The following STIM1 variants were observed in gnomAD, a reference collection of about 807,000 sequenced individuals.
The protein encoded by STIM1 is stromal interaction molecule 1.
Under a neutral mutation model 74.7 loss-of-function variants are expected in STIM1, and 25 were observed. The observed-to-expected ratio is 0.33, with a 90% CI of 0.24 to 0.47. The LOEUF is 0.47. Ranked by LOEUF, STIM1 falls within the 20% of genes least tolerant of loss-of-function variation. The probability of loss-of-function intolerance (pLI) is 1.00; values close to 1 mark genes in which losing one functional copy is unlikely to be tolerated. For missense variants in STIM1, 728 were observed against 920.8 expected, an observed-to-expected ratio of 0.79 and a Z score of 2.71; for synonymous variants, 328 against 348.8, an observed-to-expected ratio of 0.94 and a Z score of 0.66.
intron 3 of STIM1, among the ~76,000 whole-genome samples, chr11:4,053,745 A>T (rs1267766039): frequency 6.6e-6 from 1 of 152,112 alleles, no homozygotes; most frequent in African/African-American, 2.4e-5. Context: ...TAAAAAAAAG[A>T]AAGAAAGAAA....
At chr11:3,890,226 G>A (rs1264666349) in intron 1 of STIM1, among the ~76,000 whole-genome samples, 1 of 152,174 alleles carries the variant, frequency 6.6e-6, no homozygotes, top group East Asian at 1.9e-4. Context: ...AATGATAGGT[G>A]TTTTGCAATC....
rs565192496 is a variant in STIM1, at chr11:4,086,537, C to T, written c.1628C>T (p.Ser543Phe). 6.2e-7 allele frequency: 1 copy of T among 1,614,140 alleles called. No homozygotes were observed. Among genetic ancestry groups the T allele is most frequent in the East Asian group, 2.2e-5 (1 of 44,884 alleles). Residue 543 changes from serine to phenylalanine, a missense_variant, in exon 12 of 13, where the codon TCT becomes TTT. Physicochemically the swap from Ser to Phe is radical, Grantham distance 155. Around this residue, in one of 5 missense-constraint regions of STIM1, gnomAD observed 352 missense variants for 370.1 expected, o/e 0.95. Transcript: ENST00000526596. ...RLTEPQHGLGSQRDLTHSDSE... is the reference protein window; with the variant it reads ...RLTEPQHGLGFQRDLTHSDSE... ...ACGGAGCCACAGCATGGCCTGGGAT[C>T]TCAGAGGTTGGTAGAGGGCGAGGCT...
At chr11:3,969,097 G>T (rs1234822255) in intron 2 of STIM1, among the ~76,000 whole-genome samples, 2 of 152,182 alleles carry the variant, frequency 1.3e-5, no homozygotes, top group African/African-American at 2.4e-5. Context: ...TTAGAATAAA[G>T]AATTGACTAA....
Position 3,877,108 on chromosome 11 carries a change from A to G in STIM1, c.139+20699A>G, listed in dbSNP as rs142898502. 7.0e-3 allele frequency among the ~76,000 whole-genome samples: 937 copies of G among 134,002 alleles called. 11 individuals carry two copies. Among genetic ancestry groups the G allele is most frequent in the African/African-American group, 0.029 (878 of 30,526 alleles). The allele number at this position is 134,002 out of a possible 152,430, so 87.9% of individuals were successfully genotyped here. A position where few individuals can be genotyped will look rare whatever the true frequency, so the allele number is the denominator to read the frequency against. On this transcript the variant is annotated intron_variant, in intron 1 of 12. Transcript: ENST00000526596. ...CTTTACAGTAAGCGCTTAAGGAAAG[A>G]TAGTTTCTTTCATTTCCCCTTGATG...
chr11:4,001,774 T>G (rs1050316596), intron 2 of STIM1, among the ~76,000 whole-genome samples: 1 of 148,714 alleles, frequency 6.7e-6, no homozygotes, highest in Non-Finnish European at 1.5e-5. Context: ...ATGCTCCAAT[T>G]AAAAGACACA....
At position 3,882,092 on chromosome 11, in the gene STIM1, CT is replaced by C. The variant is rs946580998; in HGVS notation, c.139+25707del. On this transcript the variant is annotated intron_variant, in intron 1 of 12. Transcript: ENST00000526596. ...TGTAGCATGTATCAGCACTTCATTC[CT>C]TTTTTTTTTTTTTTTTTTTTTTTGA... 3.7e-3 allele frequency among the ~76,000 whole-genome samples: 339 copies of C among 92,352 alleles called. 1 individual carries two copies. The highest frequency in any genetic ancestry group is 0.012 in the African/African-American group (264 of 22,668). The allele number at this position is 92,352 out of a possible 152,430, so 60.6% of individuals were successfully genotyped here. A position where few individuals can be genotyped will look rare whatever the true frequency, so the allele number is the denominator to read the frequency against.
At chr11:3,920,946 C>A (rs1047172117) in intron 1 of STIM1, among the ~76,000 whole-genome samples, 2 of 152,046 alleles carry the variant, frequency 1.3e-5, no homozygotes, top group African/African-American at 2.4e-5. Flanking sequence ...TAGGCACCCG[C>A]CACTACGCAT....
At chr11:4,002,806 T>C (rs1403706704) in intron 2 of STIM1, among the ~76,000 whole-genome samples, 2 of 148,642 alleles carry the variant, frequency 1.3e-5, no homozygotes, top group African/African-American at 2.5e-5. Context: ...GGAGCCGGTT[T>C]TTTGAAAGGA....
intron 1 of STIM1, among the ~76,000 whole-genome samples, chr11:3,885,086 G>GTACAACCTTATA: frequency 1.3e-5 from 2 of 151,822 alleles, no homozygotes; most frequent in South Asian, 4.2e-4. Context: ...GGTGATGATG[G>GTACAACCTTATA]GACAACCTTA....
chr11:4,007,588 G>C (rs575914597), intron 2 of STIM1, among the ~76,000 whole-genome samples: 1 of 152,232 alleles, frequency 6.6e-6, no homozygotes, highest in South Asian at 2.1e-4. Context: ...ACTGATAAAG[G>C]TATTCATAGG....
intron 5 of STIM1, among the ~76,000 whole-genome samples, chr11:4,067,111 C>G (rs1443784745): frequency 6.6e-6 from 1 of 152,222 alleles, no homozygotes; most frequent in African/African-American, 2.4e-5. Flanking sequence ...AAAGTGCTGT[C>G]ATTTACACCT....
At chr11:3,855,608 CGGAGACGCACG>C (rs2135163989), upstream of STIM1, 1 of 139,128 alleles carries the variant, frequency 7.2e-6, no homozygotes, top group South Asian at 2.5e-4. Context: ...GGGGCGGGCG[CGGAGACGCACG>C]CCCCCGCCCG....
intron 7 of STIM1, among the ~76,000 whole-genome samples, chr11:4,079,108 G>A (rs958878869): frequency 1.3e-5 from 2 of 151,936 alleles, no homozygotes; most frequent in South Asian, 2.1e-4. Flanking sequence ...TGGCTAACAC[G>A]GTGACACCCT....
At chr11:3,874,098 A>G (rs1255998004) in intron 1 of STIM1, among the ~76,000 whole-genome samples, 1 of 152,162 alleles carries the variant, frequency 6.6e-6, no homozygotes, top group Non-Finnish European at 1.5e-5. Flanking sequence ...CCATTTCCTA[A>G]TCTACTAAAT....
At chr11:3,942,214 A>G (rs1189226468) in intron 1 of STIM1, among the ~76,000 whole-genome samples, 1 of 152,150 alleles carries the variant, frequency 6.6e-6, no homozygotes, top group Non-Finnish European at 1.5e-5. Flanking sequence ...TTAGTAGCCA[A>G]ACCAGGACTT....
At chr11:4,084,832 C>T in intron 11 of STIM1, 67 bp downstream of exon 11, 1 of 1,212,772 alleles carries the variant, frequency 8.2e-7, no homozygotes, top group Non-Finnish European at 1.1e-6. Context: ...ACTCTTACCC[C>T]ATGGGTCCCT....
At chr11:3,941,673 T>TATAGAGAGAGAGAGAG (rs141623520) in intron 1 of STIM1, among the ~76,000 whole-genome samples, 29 of 90,730 alleles carry the variant, frequency 3.2e-4, no homozygotes, top group South Asian at 8.1e-4. Context: ...TATATATATA[T>TATAGAGAGAGAGAGAG]AGAGAGAGAG....
chr11:3,929,304 A>C (rs961296787), intron 1 of STIM1, among the ~76,000 whole-genome samples: 1 of 152,162 alleles, frequency 6.6e-6, no homozygotes, highest in Non-Finnish European at 1.5e-5. Flanking sequence ...AGCTGTGGGA[A>C]CTGGCAGTTA....
At chr11:4,055,697 T>C in intron 4 of STIM1, 60 bp downstream of exon 4, 1 of 1,310,546 alleles carries the variant, frequency 7.6e-7, no homozygotes, top group Non-Finnish European at 1.1e-6. Flanking sequence ...GGAGTGGGCC[T>C]GCCTTCAGAT....
Sources: allele counts gnomAD v4.1 joint callset (sites outside exome capture counted in the v4.1 genomes callset), GRCh38; gene constraint gnomAD v4.1.1; regional missense constraint gnomAD v4.1.1; transcripts MANE v1.5; gene names NCBI Gene and HGNC (gene_info 2026-07-23, HGNC 2026-07-21).